WDR19: variants seen among roughly 807,000 people sequenced by gnomAD.
WDR19 encodes WD repeat domain 19.
A neutral mutation model predicts 180.0 loss-of-function variants in WDR19; 121 were observed. That is an observed-to-expected ratio of 0.67 (90% CI 0.58 to 0.78). The LOEUF (loss-of-function observed/expected upper bound fraction) is 0.78. WDR19 is among the 30% of genes least tolerant of loss of function. The pLI is 0.00. For synonymous variants in WDR19, 497 were observed against 540.7 expected, an observed-to-expected ratio of 0.92 and a Z score of 1.12; for missense variants, 1,450 against 1,640.7, an observed-to-expected ratio of 0.88 and a Z score of 2.01.
intron 36 of WDR19, among the ~76,000 whole-genome samples, chr4:39,278,902 C>T (rs1736181354): frequency 6.6e-6 from 1 of 152,122 alleles, no homozygotes; most frequent in African/African-American, 2.4e-5. Context: ...CAGATTTTGT[C>T]AAATCTCACA....
rs781781040 is a variant in WDR19 at position 39,255,930 on chromosome 4, ATTC to A, written c.3090_3092del (p.Phe1030del). On this transcript the variant is annotated inframe_deletion, in exon 27 of 37. Transcript: ENST00000399820. ...AAAAGAGATATCTTCAGGCTGGAAA[ATTC>A]TTCTTGCTGTGTGGCCAATATTCAC... 3.1e-6 allele frequency: 5 copies of A among 1,607,040 alleles called. No homozygotes were observed. The South Asian group carries it at 3.4e-5, about 11-fold the overall frequency.
At chr4:39,270,247 C>A in intron 31 of WDR19, 147 bp downstream of exon 31, 2 of 1,151,194 alleles carry the variant, frequency 1.7e-6, no homozygotes, top group Non-Finnish European at 2.4e-6. Context: ...AACATATCTA[C>A]AATACGCTGC....
At chr4:39,234,602 CT>C (rs1392951035) in intron 19 of WDR19, among the ~76,000 whole-genome samples, 163 bp from the exon 20 acceptor site, 1 of 152,136 alleles carries the variant, frequency 6.6e-6, no homozygotes, top group African/African-American at 2.4e-5. Context: ...TATCAAGACC[CT>C]ATTGAGAATA....
intron 14 of WDR19, among the ~76,000 whole-genome samples, chr4:39,222,305 G>A (rs571121234): frequency 1.3e-5 from 2 of 152,082 alleles, no homozygotes; most frequent in South Asian, 4.2e-4. Flanking sequence ...TATATATTTG[G>A]ATTCAACTCC....
At chr4:39,260,978 T>A (rs1351778989) in intron 28 of WDR19, among the ~76,000 whole-genome samples, 2 of 152,076 alleles carry the variant, frequency 1.3e-5, no homozygotes, top group African/African-American at 4.8e-5. Flanking sequence ...CAGTTCATAA[T>A]AGCCCATATT....
At chr4:39,191,737 T>A (rs1726167934) in intron 4 of WDR19, among the ~76,000 whole-genome samples, 1 of 152,208 alleles carries the variant, frequency 6.6e-6, no homozygotes, top group East Asian at 1.9e-4. Context: ...CCAAGGCAAT[T>A]TGGACCTGAG....
At chr4:39,209,744 A>G (rs527703169) in intron 9 of WDR19, among the ~76,000 whole-genome samples, 14 of 151,894 alleles carry the variant, frequency 9.2e-5, no homozygotes, top group Non-Finnish European at 1.9e-4. Context: ...TTAAACAAGA[A>G]GCTGGTTCTT....
chr4:39,247,697 C>T (rs1238028893), intron 24 of WDR19, among the ~76,000 whole-genome samples: 6 of 152,134 alleles, frequency 3.9e-5, no homozygotes, highest in South Asian at 2.1e-4. Flanking sequence ...ACAAGAATTA[C>T]GCGACGAATC....
intron 32 of WDR19, 73 bp from the exon 33 acceptor site, chr4:39,274,735 G>T (rs991237915): frequency 2.6e-6 from 4 of 1,546,908 alleles, no homozygotes; most frequent in Non-Finnish European, 3.5e-6. Context: ...TACAGAACCA[G>T]GGTGGAATCC....
At chr4:39,281,991 A>G (rs1333132241) in intron 36 of WDR19, among the ~76,000 whole-genome samples, 1 of 152,164 alleles carries the variant, frequency 6.6e-6, no homozygotes, top group African/African-American at 2.4e-5. Context: ...AGCATCTCTC[A>G]TATTTACAAT....
At chr4:39,225,788 G>A (rs1325956056) in intron 15 of WDR19, among the ~76,000 whole-genome samples, 1 of 151,254 alleles carries the variant, frequency 6.6e-6, no homozygotes, top group Non-Finnish European at 1.5e-5. Context: ...CCCCATGCCC[G>A]CCCCTTCTTC....
rs756321262 is a variant in WDR19, at chr4:39,199,550, A to G, written c.479A>G (p.Lys160Arg). The G allele has an allele frequency of 6.6e-5, 106 of 1,613,438 alleles. No homozygotes were observed. Among genetic ancestry groups the G allele is most frequent in the Non-Finnish European group, 8.3e-5 (98 of 1,179,728 alleles). The change falls in exon 6 of 37, where the codon AAA becomes AGA. Residue 160 changes from lysine (K) to arginine (R), a missense_variant. Physicochemically the swap from Lys to Arg is conservative, Grantham distance 26 (BLOSUM62 2). Coordinates refer to ENST00000399820, the MANE Select transcript of WDR19 (RefSeq NM_025132.4). Reference sequence around the variant, plus strand: ...CTGCTTGCTTTAGGTGGTGAAGATAAAATGATTACAGTTAGTAATCAGGAA... The same window carrying G: ...CTGCTTGCTTTAGGTGGTGAAGATAGAATGATTACAGTTAGTAATCAGGAA... ...ENLLALGGED[K>R]MITVSNQEGD...
At position 39,197,327 on chromosome 4, in the gene WDR19, G is replaced by A. The variant is rs530368842; in HGVS notation, c.407-2151G>A. Among the ~76,000 whole-genome samples the A allele has an allele frequency of 3.3e-5, 5 of 151,234 alleles. No homozygotes were observed. In the South Asian group the frequency reaches 6.3e-4, roughly 19 times the overall value. ...TGTAATCCCAGCTACTTGGGAGGCTGAGGCAGGAGAATTGCTTGAACCCAG... is the reference window on the plus strand; with the variant it reads ...TGTAATCCCAGCTACTTGGGAGGCTAAGGCAGGAGAATTGCTTGAACCCAG... On this transcript the variant is annotated intron_variant, in intron 5 of 36. Coordinates refer to ENST00000399820, the MANE Select transcript of WDR19 (RefSeq NM_025132.4).
chr4:39,182,757 G>C (rs1725074643), intron 1 of WDR19, among the ~76,000 whole-genome samples, 194 bp downstream of exon 1: 2 of 152,112 alleles, frequency 1.3e-5, no homozygotes, highest in African/African-American at 4.8e-5. Flanking sequence ...AATAGGAGGA[G>C]AGGAGAGGGC....
At chr4:39,206,421 G>C (rs528507979) in intron 9 of WDR19, among the ~76,000 whole-genome samples, 1 of 152,262 alleles carries the variant, frequency 6.6e-6, no homozygotes, top group East Asian at 1.9e-4. Flanking sequence ...TCCAATTAGA[G>C]GCTGTGGCTT....
intron 1 of WDR19, among the ~76,000 whole-genome samples, chr4:39,184,134 CG>C (rs897153402): frequency 2.0e-5 from 3 of 152,136 alleles, no homozygotes; most frequent in Non-Finnish European, 4.4e-5. Context: ...GGACAGGGTG[CG>C]GTGGCTCACG....
chr4:39,226,658 T>A (rs1730293350), intron 15 of WDR19, among the ~76,000 whole-genome samples: 1 of 152,204 alleles, frequency 6.6e-6, no homozygotes, highest in Non-Finnish European at 1.5e-5. Flanking sequence ...AGTTTCTTCA[T>A]CTGTAAAACG....
intron 12 of WDR19, among the ~76,000 whole-genome samples, chr4:39,216,450 TAGAG>T (rs766264695): frequency 1.3e-5 from 2 of 152,214 alleles, no homozygotes; most frequent in Non-Finnish European, 2.9e-5. Context: ...GCTTCAGAAT[TAGAG>T]AGGCCCTGGA....
chr4:39,262,576 C>T (rs984135174), intron 28 of WDR19, among the ~76,000 whole-genome samples: 2 of 152,054 alleles, frequency 1.3e-5, no homozygotes, highest in African/African-American at 4.8e-5. Flanking sequence ...GTTCAGGGCT[C>T]CGCTTCCTTC....
Sources: allele counts gnomAD v4.1 joint callset (sites outside exome capture counted in the v4.1 genomes callset), GRCh38; gene constraint gnomAD v4.1.1; transcripts MANE v1.5; gene names NCBI Gene and HGNC (gene_info 2026-07-23, HGNC 2026-07-21).